Variants in KCNIP4 observed in about 807,000 individuals in gnomAD.
KCNIP4 encodes the protein potassium voltage-gated channel interacting protein 4, also known as Kv channel-interacting protein 4.
Under a neutral mutation model 34.0 loss-of-function variants are expected in KCNIP4, and 12 were observed. The observed-to-expected ratio is 0.35, with a 90% CI of 0.23 to 0.57. The LOEUF (loss-of-function observed/expected upper bound fraction) is 0.57. Ranked by LOEUF, KCNIP4 falls within the 20% of genes least tolerant of loss-of-function variation. The pLI, the probability that KCNIP4 is intolerant of heterozygous loss-of-function variation, is 0.83. For missense variants in KCNIP4, 238 were observed against 311.7 expected (o/e 0.76, Z 1.78); for synonymous variants, 124 against 102.2 (o/e 1.21, Z -1.29).
chr4:21,445,073 T>G (rs367936188), intron 1 of KCNIP4, among the ~76,000 whole-genome samples: 2 of 152,156 alleles, frequency 1.3e-5, no homozygotes, highest in Non-Finnish European at 2.9e-5. Context: ...ACAAGGGATG[T>G]GAAGGACCTC....
chr4:21,079,884 T>C (rs1229387526), intron 1 of KCNIP4, among the ~76,000 whole-genome samples: 1 of 151,696 alleles, frequency 6.6e-6, no homozygotes, highest in African/African-American at 2.4e-5. Context: ...AGCCAAGTGA[T>C]GGGGATGGCC....
intron 1 of KCNIP4, chr4:21,844,106 T>C (rs949747376): frequency 6.6e-6 from 1 of 152,026 alleles, no homozygotes; most frequent in Non-Finnish European, 1.5e-5. Flanking sequence ...TTGAAGGTAA[T>C]GGGAACCAAA....
chr4:21,947,012 T>A (rs6448101), intron 1 of KCNIP4, among the ~76,000 whole-genome samples: 19,211 of 152,178 alleles, frequency 0.13, 1,548 homozygotes, highest in African/African-American at 0.24. Context: ...GTCAAAGAGC[T>A]GTGGTCACTG....
intron 1 of KCNIP4, among the ~76,000 whole-genome samples, chr4:21,037,951 A>G (rs879795400): frequency 1.7e-5 from 2 of 118,194 alleles, no homozygotes; most frequent in African/African-American, 3.3e-5. Context: ...AAACAAACAT[A>G]CAAAATGCTG....
chr4:21,242,163 C>CAAAAAAAAAAAAAAAAAAAA (rs11436478), intron 1 of KCNIP4, among the ~76,000 whole-genome samples: 1 of 55,778 alleles, frequency 1.8e-5, no homozygotes, highest in African/African-American at 5.6e-5. Context: ...AATTCTGTCT[C>CAAAAAAAAAAAAAAAAAAAA]AAAAAAAAAA....
intron 1 of KCNIP4, among the ~76,000 whole-genome samples, chr4:21,593,414 C>T (rs1239820558): frequency 1.3e-5 from 2 of 152,098 alleles, no homozygotes; most frequent in Non-Finnish European, 1.5e-5. Flanking sequence ...TGCTCTTCTG[C>T]TGACAGCCTG....
At chr4:21,339,218 C>T (rs1489929616) in intron 1 of KCNIP4, among the ~76,000 whole-genome samples, 2 of 152,254 alleles carry the variant, frequency 1.3e-5, no homozygotes, top group South Asian at 4.2e-4. Context: ...CAGTGTTATC[C>T]AATTGCAGAA....
At chr4:21,317,123 A>G (rs1713846983) in intron 1 of KCNIP4, among the ~76,000 whole-genome samples, 1 of 152,182 alleles carries the variant, frequency 6.6e-6, no homozygotes, top group Admixed American at 6.5e-5. Context: ...TGGGATATAA[A>G]TGCTTGCCAT....
chr4:21,434,583 C>T (rs1726783875), intron 1 of KCNIP4, among the ~76,000 whole-genome samples: 1 of 152,024 alleles, frequency 6.6e-6, no homozygotes, highest in Non-Finnish European at 1.5e-5. Flanking sequence ...GTGAGCATTA[C>T]TGCCTGAGCT....
chr4:21,335,505 T>C (rs1369370204), intron 1 of KCNIP4, among the ~76,000 whole-genome samples: 1 of 152,212 alleles, frequency 6.6e-6, no homozygotes, highest in Non-Finnish European at 1.5e-5. Flanking sequence ...ACCTTACACG[T>C]GCCTGTTTTG....
chr4:21,089,764 A>G (rs976653898), intron 1 of KCNIP4, among the ~76,000 whole-genome samples: 1 of 152,002 alleles, frequency 6.6e-6, no homozygotes, highest in Non-Finnish European at 1.5e-5. Context: ...TCTCCTAACT[A>G]GTATCTTCTC....
At chr4:21,787,535 A>T (rs145688225) in intron 1 of KCNIP4, among the ~76,000 whole-genome samples, 520 of 152,274 alleles carry the variant, frequency 3.4e-3, no homozygotes, top group Non-Finnish European at 5.0e-3. Flanking sequence ...CCCCATGAAG[A>T]AGTTATTATT....
chr4:21,115,418 C>T (rs944890949), intron 1 of KCNIP4, among the ~76,000 whole-genome samples: 2 of 152,114 alleles, frequency 1.3e-5, no homozygotes, highest in Non-Finnish European at 2.9e-5. Context: ...TAAATAAATT[C>T]CTGTTGTTTA....
At chr4:21,223,853 G>A (rs2109005294) in intron 1 of KCNIP4, among the ~76,000 whole-genome samples, 1 of 152,116 alleles carries the variant, frequency 6.6e-6, no homozygotes, top group Middle Eastern at 3.4e-3. Flanking sequence ...CATCTGCTGG[G>A]AGGAGGAAGA....
intron 1 of KCNIP4, among the ~76,000 whole-genome samples, chr4:21,907,817 TC>T (rs1728084473): frequency 6.6e-6 from 1 of 152,062 alleles, no homozygotes; most frequent in African/African-American, 2.4e-5. Context: ...AAATGTTAAC[TC>T]CCCAACTTCA....
At chr4:21,351,031 A>G (rs991983710) in intron 1 of KCNIP4, among the ~76,000 whole-genome samples, 1 of 152,182 alleles carries the variant, frequency 6.6e-6, no homozygotes, top group Admixed American at 6.5e-5. Context: ...CTACAGGTAA[A>G]ATAACTGTAT....
chr4:21,817,807 C>T (rs1318479359), intron 1 of KCNIP4, among the ~76,000 whole-genome samples: 4 of 152,120 alleles, frequency 2.6e-5, no homozygotes, highest in African/African-American at 9.7e-5. Context: ...CTCTCGAACC[C>T]TGTTTTCTGT....
chr4:20,856,384 A>G (rs1351523972), intron 2 of KCNIP4, among the ~76,000 whole-genome samples: 2 of 152,132 alleles, frequency 1.3e-5, no homozygotes, highest in Non-Finnish European at 2.9e-5. Context: ...TAAGTGTCTC[A>G]TTTCTGAAGC....
intron 1 of KCNIP4, among the ~76,000 whole-genome samples, chr4:20,919,306 C>G (rs1209386942): frequency 6.6e-6 from 1 of 151,792 alleles, no homozygotes; most frequent in Non-Finnish European, 1.5e-5. Flanking sequence ...AGGTATTCCA[C>G]GAATGTGTGT....
Sources: gnomAD v4.1 joint callset for allele counts (sites outside exome capture counted in the v4.1 genomes callset) on GRCh38, gnomAD v4.1.1 for gene constraint, MANE v1.5 for transcripts, NCBI Gene and HGNC (gene_info 2026-07-23, HGNC 2026-07-21) for gene names.